The following CROT variants were observed in gnomAD, a reference collection of about 807,000 sequenced individuals.
CROT encodes the protein peroxisomal carnitine O-octanoyltransferase.
Under a neutral mutation model 89.2 loss-of-function variants are expected in CROT, and 84 were observed. The ratio of observed to expected loss-of-function variants is 0.94; its 90% CI spans 0.79 to 1.13. CROT has a LOEUF of 1.13. Ranked by LOEUF, CROT falls within the 50% of genes most tolerant of loss-of-function variation. The pLI is 0.00. For synonymous variants in CROT, 212 were observed against 239.5 expected (o/e 0.89, Z 1.06); for missense variants, 711 against 727.8 (o/e 0.98, Z 0.27).
In CROT at chr7:87,382,090, G is replaced by A. The variant is rs1017319792; in HGVS notation, c.1079G>A (p.Arg360Gln). 8 of 1,612,330 alleles carry A rather than the reference G, an allele frequency of 5.0e-6. No homozygotes were observed. Among genetic ancestry groups the A allele is most frequent in the South Asian group, 3.3e-5 (3 of 90,972 alleles). ...EGRWKGSEKV[R>Q]DIPLPEELIF... ...TATTTTCAGGGTTCAGAGAAGGTACGAGATATACCACTTCCAGAAGAGCTC... is the reference window on the plus strand; with the variant it reads ...TATTTTCAGGGTTCAGAGAAGGTACAAGATATACCACTTCCAGAAGAGCTC... Residue 360 changes from arginine to glutamine, a missense_variant, in exon 12 of 18, where the codon CGA (arginine) becomes CAA (glutamine). Coordinates refer to ENST00000331536, the MANE Select transcript of CROT (RefSeq NM_021151.4).
chr7:87,349,697 T>C (rs1459727242), intron 3 of CROT, among the ~76,000 whole-genome samples: 1 of 152,300 alleles, frequency 6.6e-6, no homozygotes, highest in South Asian at 2.1e-4. Flanking sequence ...GGGTCATGAC[T>C]GGCAAGGAAC....
Position 87,398,876 on chromosome 7 carries a change from A to G in CROT, c.*232A>G, listed in dbSNP as rs1332357040. On this transcript the variant is annotated 3_prime_UTR_variant, in exon 18 of 18. Transcript: ENST00000331536. ...ATGCAGCAGCAATGCAAATTATGAC[A>G]TAGTGAATATAGAACTATGCAGTAT... 4 of 499,978 alleles carry G rather than the reference A, an allele frequency of 8.0e-6. No homozygotes were observed. The highest frequency in any genetic ancestry group is 6.7e-5 in the South Asian group (3 of 44,908). 31.0% of individuals were successfully genotyped at this position (499,978 alleles called of 1,614,324 possible).
chr7:87,393,979 G>T (rs985223534), intron 17 of CROT, among the ~76,000 whole-genome samples: 1 of 152,194 alleles, frequency 6.6e-6, no homozygotes, highest in Middle Eastern at 3.4e-3. Context: ...AATATATACA[G>T]ATACTAGTCT....
chr7:87,377,266 G>A (rs1806837382), intron 9 of CROT, 83 bp from the exon 10 acceptor site: 1 of 772,424 alleles, frequency 1.3e-6, no homozygotes, highest in Non-Finnish European at 2.1e-6. Context: ...GAGGAATGGT[G>A]AGATGATATA....
intron 17 of CROT, among the ~76,000 whole-genome samples, chr7:87,395,336 C>G (rs7801257): frequency 0.043 from 6,524 of 152,208 alleles, 453 homozygotes; most frequent in African/African-American, 0.15. Context: ...CCCAGATTAA[C>G]GGTGGGTCTG....
At chr7:87,395,774 G>A (rs1236929915) in intron 17 of CROT, among the ~76,000 whole-genome samples, 1 of 152,076 alleles carries the variant, frequency 6.6e-6, no homozygotes, top group East Asian at 1.9e-4. Context: ...AACACCCAAG[G>A]TGTCAAAATG....
At chr7:87,354,654 A>T (rs1400512995) in intron 3 of CROT, among the ~76,000 whole-genome samples, 1 of 152,210 alleles carries the variant, frequency 6.6e-6, no homozygotes, top group Non-Finnish European at 1.5e-5. Context: ...TGAAGGAAAG[A>T]ATTATCTCAG....
Position 87,382,172 on chromosome 7 carries a change from T to C in CROT, c.1161T>C (p.Tyr387=). 6.2e-7 allele frequency: 1 copy of C among 1,605,302 alleles called. No individual in the cohort carries two copies. The highest frequency in any genetic ancestry group is 8.5e-7 in the Non-Finnish European group (1 of 1,173,486). The change falls in exon 12 of 18, where the codon TAT becomes TAC. Residue 387 remains tyrosine (Y), a synonymous_variant. Coordinates refer to ENST00000331536, the MANE Select transcript of CROT (RefSeq NM_021151.4). ...LNDINQAKAQ[Y]LREASDLQIA... ...ACATCAACCAAGCTAAAGCCCAGTA[T>C]CTCAGGGAGGTATATTTTTCACTTT... is the stretch of plus-strand genomic sequence containing the variant.
At chr7:87,355,969 C>A (rs1018234776) in intron 3 of CROT, among the ~76,000 whole-genome samples, 2 of 152,120 alleles carry the variant, frequency 1.3e-5, no homozygotes, top group Non-Finnish European at 2.9e-5. Flanking sequence ...TAGATAAAAT[C>A]ATTCCACAAT....
At chr7:87,365,707 T>G (rs1806421376) in intron 6 of CROT, among the ~76,000 whole-genome samples, 1 of 151,022 alleles carries the variant, frequency 6.6e-6, no homozygotes, top group Non-Finnish European at 1.5e-5. Context: ...TCCTGGGCTC[T>G]AACAGTCCTC....
At chr7:87,377,772 T>A (rs993618799) in intron 10 of CROT, among the ~76,000 whole-genome samples, 4 of 152,218 alleles carry the variant, frequency 2.6e-5, no homozygotes, top group Admixed American at 6.5e-5. Flanking sequence ...GCATTATGTA[T>A]GTGTTCTATG....
At chr7:87,369,058 T>C (rs559683338) in intron 6 of CROT, among the ~76,000 whole-genome samples, 1 of 152,176 alleles carries the variant, frequency 6.6e-6, no homozygotes, top group Non-Finnish European at 1.5e-5. Flanking sequence ...ATTCCACTGG[T>C]CTCCTTCTCC....
intron 10 of CROT, among the ~76,000 whole-genome samples, chr7:87,378,340 C>T (rs258964): frequency 0.87 from 124,590 of 142,634 alleles, 54,592 homozygotes; most frequent in Middle Eastern, 0.93. Context: ...ACTGAGACTC[C>T]GACTCCAAAA....
chr7:87,361,881 G>C, intron 6 of CROT, 29 bp downstream of exon 6: 1 of 1,550,002 alleles, frequency 6.5e-7, no homozygotes. Context: ...ATCGTTTTTA[G>C]TAAAGGCACT....
chr7:87,345,737 G>A lies in CROT; in HGVS notation c.-143G>A, dbSNP rs1437693480. On this transcript the variant is annotated 5_prime_UTR_variant, in exon 1 of 18. Coordinates refer to ENST00000331536, the MANE Select transcript of CROT (RefSeq NM_021151.4). ...GCTGCAGGCTGAGGCTGCGGCAGAG[G>A]CGGCGAGGCGCGGGCGGTGAGGACG... 3.0e-6 allele frequency: 1 copy of A among 335,622 alleles called. No homozygotes were observed. The highest frequency in any genetic ancestry group is 5.4e-6 in the Non-Finnish European group (1 of 186,856). 20.8% of individuals were successfully genotyped at this position (335,622 alleles called of 1,614,324 possible). A position where few individuals can be genotyped will look rare whatever the true frequency, so the allele number is the denominator to read the frequency against.
At chr7:87,380,968 T>C (rs1806977514) in intron 10 of CROT, among the ~76,000 whole-genome samples, 1 of 152,224 alleles carries the variant, frequency 6.6e-6, no homozygotes, top group Non-Finnish European at 1.5e-5. Flanking sequence ...CTGACCTCCC[T>C]CAAGAGCCTT....
chr7:87,345,748 C>T lies in CROT; in HGVS notation c.-132C>T, dbSNP rs1306045208. 3 of 321,096 alleles carry T rather than the reference C, an allele frequency of 9.3e-6. No individual in the cohort carries two copies. Among genetic ancestry groups the T allele is most frequent in the Non-Finnish European group, 1.7e-5 (3 of 179,360 alleles). 19.9% of individuals were successfully genotyped at this position (321,096 alleles called of 1,614,324 possible). A position where few individuals can be genotyped will look rare whatever the true frequency, so the allele number is the denominator to read the frequency against. ...AGGCTGCGGCAGAGGCGGCGAGGCG[C>T]GGGCGGTGAGGACGGACAGGTCCGT... On this transcript the variant is annotated 5_prime_UTR_variant, in exon 1 of 18. Coordinates refer to ENST00000331536, the MANE Select transcript of CROT (RefSeq NM_021151.4).
chr7:87,355,348 C>T (rs1470189408), intron 3 of CROT, among the ~76,000 whole-genome samples: 2 of 152,102 alleles, frequency 1.3e-5, no homozygotes, highest in African/African-American at 4.8e-5. Flanking sequence ...AATCCACCTG[C>T]CTTGGCCTCC....
chr7:87,393,115 T>C, intron 17 of CROT, 48 bp downstream of exon 17: 1 of 1,574,036 alleles, frequency 6.4e-7, no homozygotes, highest in East Asian at 2.2e-5. Flanking sequence ...GTAGGAAAGG[T>C]ATTACTTTTG....
Sources: gnomAD v4.1 joint callset for allele counts (sites outside exome capture counted in the v4.1 genomes callset) on GRCh38, gnomAD v4.1.1 for gene constraint, MANE v1.5 for transcripts, NCBI Gene and HGNC (gene_info 2026-07-23, HGNC 2026-07-21) for gene names.